OXR1: variants seen among roughly 807,000 people sequenced by gnomAD.
OXR1 encodes oxidation resistance 1.
A neutral mutation model predicts 104.6 loss-of-function variants in OXR1; 41 were observed. That is an observed-to-expected ratio of 0.39 (90% CI 0.31 to 0.51). OXR1 has a LOEUF of 0.51. Ranked by LOEUF, OXR1 falls within the 20% of genes least tolerant of loss-of-function variation. OXR1 has a pLI of 0.77. For missense variants in OXR1, 955 were observed against 1,031.9 expected (o/e 0.93, Z 1.02); for synonymous variants, 348 against 348.4 (o/e 1.00, Z 0.01).
intron 2 of OXR1, among the ~76,000 whole-genome samples, chr8:106,452,794 A>T (rs1820391153): frequency 6.6e-6 from 1 of 152,116 alleles, no homozygotes; most frequent in African/African-American, 2.4e-5. Flanking sequence ...TCTATGTGGA[A>T]TCCAATTTAC....
intron 3 of OXR1, among the ~76,000 whole-genome samples, chr8:106,647,123 C>T (rs192442577): frequency 6.6e-6 from 1 of 152,286 alleles, no homozygotes; most frequent in Admixed American, 6.5e-5. Flanking sequence ...GATGCTATTG[C>T]TGAGTCCTTG....
intron 12 of OXR1, 62 bp downstream of exon 12, chr8:106,737,662 T>C (rs1834526132): frequency 1.7e-6 from 1 of 573,242 alleles, no homozygotes; most frequent in Non-Finnish European, 2.7e-6. Context: ...TTAGTGTTCT[T>C]TGTCATGGCA....
At chr8:106,429,280 C>T (rs1231489405) in intron 2 of OXR1, among the ~76,000 whole-genome samples, 3 of 152,054 alleles carry the variant, frequency 2.0e-5, no homozygotes, top group Non-Finnish European at 4.4e-5. Flanking sequence ...AGGATGCCGG[C>T]CCAAGACTAT....
chr8:106,359,242 G>T (rs1161415439), intron 1 of OXR1, among the ~76,000 whole-genome samples: 1 of 151,978 alleles, frequency 6.6e-6, no homozygotes, highest in Non-Finnish European at 1.5e-5. Flanking sequence ...CTACTCCGGG[G>T]ATTTAACATT....
chr8:106,718,476 T>C (rs1206926550), intron 11 of OXR1, among the ~76,000 whole-genome samples: 2 of 152,196 alleles, frequency 1.3e-5, no homozygotes, highest in Admixed American at 1.3e-4. Flanking sequence ...CTATTCTTAC[T>C]GCTCACGATG....
chr8:106,366,558 A>T (rs1816476860), intron 2 of OXR1, among the ~76,000 whole-genome samples: 1 of 152,198 alleles, frequency 6.6e-6, no homozygotes, highest in Non-Finnish European at 1.5e-5. Context: ...AATTATCAAC[A>T]TTGTGTTATC....
chr8:106,490,204 G>A (rs746524310), intron 2 of OXR1, among the ~76,000 whole-genome samples: 5 of 152,118 alleles, frequency 3.3e-5, no homozygotes, highest in Non-Finnish European at 7.3e-5. Context: ...TCAACAATAC[G>A]TTACCTGCTT....
At chr8:106,508,031 C>A (rs1035333149) in intron 2 of OXR1, among the ~76,000 whole-genome samples, 1 of 152,124 alleles carries the variant, frequency 6.6e-6, no homozygotes, top group Non-Finnish European at 1.5e-5. Flanking sequence ...AACTCCTGCT[C>A]CCCCTGGGGC....
intron 3 of OXR1, among the ~76,000 whole-genome samples, chr8:106,578,542 G>C (rs1323809923): frequency 6.6e-6 from 1 of 152,148 alleles, no homozygotes; most frequent in East Asian, 1.9e-4. Flanking sequence ...GTTCTATGTG[G>C]TTCAGAGACA....
intron 3 of OXR1, among the ~76,000 whole-genome samples, chr8:106,672,506 G>A (rs193106031): frequency 9.8e-4 from 86 of 87,760 alleles, no homozygotes; most frequent in African/African-American, 2.9e-3. Context: ...GAAAGAGAGA[G>A]AAAGAAAGAA....
At chr8:106,693,854 A>G (rs1339991133) in intron 7 of OXR1, among the ~76,000 whole-genome samples, 2 of 152,196 alleles carry the variant, frequency 1.3e-5, no homozygotes, top group Non-Finnish European at 2.9e-5. Context: ...AAAAATGTCT[A>G]TAACATGATA....
rs149947023 is a variant in OXR1 at position 106,566,915 on chromosome 8, T to G, written c.220+47776T>G. On this transcript the variant is annotated intron_variant, in intron 3 of 16. Transcript: ENST00000517566. ...TCACTCATAAGTGTGAGTTGAACAA[T>G]GAAAACATATGGGCACAGGGAGAGG... Among the ~76,000 whole-genome samples, 137 of 152,126 alleles carry G rather than the reference T, an allele frequency of 9.0e-4. 4 individuals are homozygous for G. In the East Asian group the frequency reaches 0.023, roughly 26 times the overall value.
intron 2 of OXR1, among the ~76,000 whole-genome samples, chr8:106,429,480 C>G (rs191028614): frequency 2.0e-5 from 3 of 151,782 alleles, no homozygotes; most frequent in African/African-American, 4.8e-5. Flanking sequence ...GCTAATATAG[C>G]GAAAACCTGT....
At chr8:106,670,731 A>G (rs945309205) in intron 3 of OXR1, among the ~76,000 whole-genome samples, 6 of 152,164 alleles carry the variant, frequency 3.9e-5, no homozygotes, top group Non-Finnish European at 7.3e-5. Flanking sequence ...AGAGGAAAAT[A>G]TAGGAGAAGG....
intron 8 of OXR1, among the ~76,000 whole-genome samples, chr8:106,705,225 A>G (rs1831031140): frequency 1.3e-5 from 2 of 152,204 alleles, no homozygotes; most frequent in Non-Finnish European, 2.9e-5. Context: ...CCAACACCCT[A>G]TAGATGCAGT....
At chr8:106,607,877 C>G (rs1820523250) in intron 3 of OXR1, among the ~76,000 whole-genome samples, 1 of 151,536 alleles carries the variant, frequency 6.6e-6, no homozygotes, top group Non-Finnish European at 1.5e-5. Flanking sequence ...TCAGCCAAAC[C>G]TACACAGTAT....
intron 11 of OXR1, among the ~76,000 whole-genome samples, chr8:106,735,762 T>A (rs1834312244): frequency 6.6e-6 from 1 of 152,144 alleles, no homozygotes; most frequent in Admixed American, 6.5e-5. Flanking sequence ...TAGTACCTAA[T>A]TTTTCTTTTA....
chr8:106,334,186 A>G (rs1814855163), intron 1 of OXR1, among the ~76,000 whole-genome samples: 1 of 152,140 alleles, frequency 6.6e-6, no homozygotes, highest in South Asian at 2.1e-4. Flanking sequence ...TTTTTGTTAA[A>G]TGTGTTCCTA....
At chr8:106,443,003 G>T (rs932158525) in intron 2 of OXR1, among the ~76,000 whole-genome samples, 2 of 152,036 alleles carry the variant, frequency 1.3e-5, no homozygotes, top group African/African-American at 4.8e-5. Context: ...ACTTTAGGGT[G>T]TTGATCTGAG....
Sources: allele counts gnomAD v4.1 joint callset (sites outside exome capture counted in the v4.1 genomes callset), GRCh38; gene constraint gnomAD v4.1.1; transcripts MANE v1.5; gene names NCBI Gene and HGNC (gene_info 2026-07-23, HGNC 2026-07-21).